Variants in PIBF1 observed in about 807,000 individuals in gnomAD.
PIBF1 encodes the protein progesterone-induced-blocking factor 1.
In PIBF1, 90 loss-of-function variants were observed where a neutral mutation model predicts 112.5. That is an observed-to-expected ratio of 0.80 (90% CI 0.67 to 0.95). The LOEUF (loss-of-function observed/expected upper bound fraction) is 0.95, where lower values mean the gene tolerates loss of function less well. Among genes scored for constraint, PIBF1 ranks in the 40% least tolerant of loss-of-function variants. The probability of loss-of-function intolerance (pLI) is 0.00; values close to 1 mark genes in which losing one functional copy is unlikely to be tolerated. For missense variants in PIBF1, 915 were observed against 852.3 expected (o/e 1.07, Z -0.92); for synonymous variants, 301 against 288.6 (o/e 1.04, Z -0.44).
Position 72,782,148 on chromosome 13 carries a change from C to A in PIBF1, c.-249C>A, listed in dbSNP as rs766792216. The A allele has an allele frequency of 7.3e-5, 22 of 300,636 alleles. No individual in the cohort carries two copies. Among genetic ancestry groups the A allele is most frequent in the Non-Finnish European group, 1.2e-4 (20 of 161,750 alleles). The allele number at this position is 300,636 out of a possible 1,614,324, so 18.6% of individuals were successfully genotyped here. ...AACATCCGGGAGAGTTGACTTCCGGCGGCTTGTGGGAGTGCTGGTTCTGTC... is the reference window on the plus strand; with the variant it reads ...AACATCCGGGAGAGTTGACTTCCGGAGGCTTGTGGGAGTGCTGGTTCTGTC... On this transcript the variant is annotated 5_prime_UTR_variant, in exon 1 of 18. Transcript: ENST00000326291.
intron 16 of PIBF1, among the ~76,000 whole-genome samples, chr13:72,987,276 A>G (rs933656036): frequency 2.2e-4 from 34 of 151,878 alleles, no homozygotes; most frequent in African/African-American, 7.7e-4. Context: ...GCTAGATGCT[A>G]TGAGGAGACA....
At chr13:72,787,265 T>C (rs2034650780) in intron 2 of PIBF1, among the ~76,000 whole-genome samples, 1 of 152,204 alleles carries the variant, frequency 6.6e-6, no homozygotes, top group Admixed American at 6.5e-5. Context: ...TTTATTTGTA[T>C]GTGTTATTAT....
intron 9 of PIBF1, among the ~76,000 whole-genome samples, chr13:72,853,551 C>T (rs1173783398): frequency 1.3e-5 from 2 of 152,156 alleles, no homozygotes; most frequent in African/African-American, 4.8e-5. Context: ...TCTACTTTCT[C>T]CTGTCTGTCA....
intron 10 of PIBF1, among the ~76,000 whole-genome samples, chr13:72,868,038 A>C (rs1343733832): frequency 6.6e-6 from 1 of 152,110 alleles, no homozygotes; most frequent in Non-Finnish European, 1.5e-5. Flanking sequence ...GGTGGTTCAC[A>C]CCTGTAATCC....
chr13:72,963,186 A>G (rs1327457567), intron 14 of PIBF1, among the ~76,000 whole-genome samples: 3 of 152,246 alleles, frequency 2.0e-5, no homozygotes, highest in African/African-American at 7.2e-5. Context: ...AAATGCATAG[A>G]AGAAAACATA....
intron 13 of PIBF1, among the ~76,000 whole-genome samples, chr13:72,918,706 CTTTT>C (rs71099768): frequency 5.3e-5 from 7 of 132,544 alleles, no homozygotes; most frequent in Non-Finnish European, 6.4e-5. Context: ...GCAACTACAT[CTTTT>C]TTTTTTTTTT....
chr13:72,890,108 G>C (rs1453980479), intron 10 of PIBF1, among the ~76,000 whole-genome samples: 1 of 152,136 alleles, frequency 6.6e-6, no homozygotes, highest in Non-Finnish European at 1.5e-5. Context: ...AACTTCCCCT[G>C]TAGAGTCTAC....
intron 10 of PIBF1, among the ~76,000 whole-genome samples, chr13:72,864,345 A>C (rs1282968611): frequency 1.3e-5 from 2 of 152,230 alleles, no homozygotes; most frequent in African/African-American, 4.8e-5. Flanking sequence ...CAATACAAAT[A>C]TGTAAGTGTT....
At chr13:72,797,861 T>C (rs1349187483) in intron 4 of PIBF1, 46 bp from the exon 5 acceptor site, 12 of 1,464,676 alleles carry the variant, frequency 8.2e-6, no homozygotes, top group African/African-American at 2.9e-5. Flanking sequence ...CAAATTTTAA[T>C]TGTAATTTGG....
chr13:72,823,464 A>C (rs2036658862), intron 6 of PIBF1, among the ~76,000 whole-genome samples: 1 of 152,210 alleles, frequency 6.6e-6, no homozygotes. Context: ...TAAAACAAGA[A>C]AGGACTCAAA....
At chr13:72,842,307 A>G (rs1051462701) in intron 9 of PIBF1, among the ~76,000 whole-genome samples, 1 of 152,236 alleles carries the variant, frequency 6.6e-6, no homozygotes, top group Admixed American at 6.5e-5. Flanking sequence ...AGAGGTATTC[A>G]TGATGCTCTT....
chr13:72,886,869 T>C (rs996176767), intron 10 of PIBF1, among the ~76,000 whole-genome samples: 8 of 152,070 alleles, frequency 5.3e-5, no homozygotes, highest in Non-Finnish European at 1.5e-5. Flanking sequence ...CAGAAACGTT[T>C]GGAGAAATAC....
rs187198173 is a variant in PIBF1, at chr13:72,954,615, G to A, written c.1834-10659G>A. Among the ~76,000 whole-genome samples, 335 of 152,290 alleles carry A rather than the reference G, an allele frequency of 2.2e-3. 3 individuals carry two copies. Among genetic ancestry groups the A allele is most frequent in the African/African-American group, 7.6e-3 (317 of 41,548 alleles). On this transcript the variant is annotated intron_variant, in intron 14 of 17. Coordinates refer to ENST00000326291, the MANE Select transcript of PIBF1 (RefSeq NM_006346.4). ...CTAAATTGGCTCCCATACTGAGTAG[G>A]GTTAAGGCCTTCCCCTGTGGCCTGG...
intron 9 of PIBF1, among the ~76,000 whole-genome samples, chr13:72,836,691 G>T (rs959541009): frequency 1.3e-5 from 2 of 151,980 alleles, no homozygotes; most frequent in Admixed American, 6.6e-5. Flanking sequence ...TTGTTCTTGG[G>T]TAAAAATATT....
intron 16 of PIBF1, among the ~76,000 whole-genome samples, chr13:72,987,858 A>ATT (rs55999445): frequency 1.2e-4 from 7 of 58,104 alleles, no homozygotes; most frequent in South Asian, 8.1e-4. Flanking sequence ...TTATTTATTT[A>ATT]TTTTTTTTTT....
intron 10 of PIBF1, among the ~76,000 whole-genome samples, chr13:72,864,168 A>G (rs1280465553): frequency 1.3e-5 from 2 of 152,206 alleles, no homozygotes; most frequent in African/African-American, 2.4e-5. Flanking sequence ...TTACGGATAT[A>G]TATTTAAGTG....
chr13:72,858,537 A>G (rs971410039), intron 10 of PIBF1, among the ~76,000 whole-genome samples: 15 of 152,230 alleles, frequency 9.9e-5, no homozygotes, highest in Admixed American at 7.9e-4. Context: ...TACAAAAGGA[A>G]GTAAGTGGCT....
chr13:73,015,994 C>A lies in PIBF1; in HGVS notation c.*75C>A. 1.3e-6 allele frequency: 1 copy of A among 799,076 alleles called. No individual in the cohort carries two copies. The highest frequency in any genetic ancestry group is 1.9e-6 in the Non-Finnish European group (1 of 516,862). The allele number at this position is 799,076 out of a possible 1,614,324, so 49.5% of individuals were successfully genotyped here. A position where few individuals can be genotyped will look rare whatever the true frequency, so the allele number is the denominator to read the frequency against. ...TTTTCTGATGGAAAACAAAATTCAG[C>A]TTAATCGTGTACTCAGCATTTTTTA... On this transcript the variant is annotated 3_prime_UTR_variant, in exon 18 of 18. Coordinates refer to ENST00000326291, the MANE Select transcript of PIBF1 (RefSeq NM_006346.4).
intron 14 of PIBF1, among the ~76,000 whole-genome samples, chr13:72,943,446 T>C (rs1001032940): frequency 6.6e-6 from 1 of 152,218 alleles, no homozygotes; most frequent in East Asian, 1.9e-4. Context: ...TATCAAAATA[T>C]CACATATACC....
Sources: gnomAD v4.1 joint callset for allele counts (sites outside exome capture counted in the v4.1 genomes callset) on GRCh38, gnomAD v4.1.1 for gene constraint, MANE v1.5 for transcripts, NCBI Gene and HGNC (gene_info 2026-07-23, HGNC 2026-07-21) for gene names.